Variants in ARFIP1 observed in about 807,000 individuals in gnomAD.
ARFIP1 encodes the protein ARF interacting protein 1, also known as arfaptin-1.
Under a neutral mutation model 42.5 loss-of-function variants are expected in ARFIP1, and 24 were observed. That is an observed-to-expected ratio of 0.57 (90% CI 0.41 to 0.80). The LOEUF (loss-of-function observed/expected upper bound fraction) is 0.80. ARFIP1 is among the 30% of genes least tolerant of loss of function. The pLI is 0.00. For missense variants in ARFIP1, 354 were observed against 434.0 expected (o/e 0.82, Z 1.64); for synonymous variants, 141 against 153.7 (o/e 0.92, Z 0.61).
At chr4:152,839,063 G>A (rs1020055301) in intron 2 of ARFIP1, among the ~76,000 whole-genome samples, 3 of 151,956 alleles carry the variant, frequency 2.0e-5, no homozygotes, top group Non-Finnish European at 2.9e-5. Flanking sequence ...TTTTAATTCC[G>A]TTTATGTGGT....
intron 3 of ARFIP1, among the ~76,000 whole-genome samples, chr4:152,866,527 C>T (rs1364924712): frequency 1.9e-5 from 2 of 103,952 alleles, no homozygotes; most frequent in African/African-American, 8.2e-5. Flanking sequence ...CCGGACGGGG[C>T]GGCTGGCCGC....
intron 8 of ARFIP1, among the ~76,000 whole-genome samples, chr4:152,901,087 ATAACT>A (rs1454954834): frequency 2.0e-5 from 3 of 152,264 alleles, no homozygotes; most frequent in African/African-American, 7.2e-5. Flanking sequence ...ATGAAGACTA[ATAACT>A]TATTTTAACC....
intron 3 of ARFIP1, among the ~76,000 whole-genome samples, chr4:152,864,011 G>C (rs1176944821): frequency 6.6e-6 from 1 of 152,062 alleles, no homozygotes; most frequent in Non-Finnish European, 1.5e-5. Flanking sequence ...ATTTTAACTT[G>C]TAACCATGAA....
chr4:152,804,619 A>T lies in ARFIP1; in HGVS notation c.-10+24393A>T, dbSNP rs534615714. ...GTTGCCAGGTTTGAATCCCCACGTC[A>T]TCACTTGCTAGCTGTGTATCATTAA... On this transcript the variant is annotated intron_variant, in intron 1 of 8. Transcript: ENST00000353617. 3.3e-5 allele frequency among the ~76,000 whole-genome samples: 5 copies of T among 149,344 alleles called. No homozygotes were observed. The South Asian group carries it at 1.1e-3, about 31-fold the overall frequency.
intron 7 of ARFIP1, among the ~76,000 whole-genome samples, chr4:152,886,727 G>A (rs1027645539): frequency 4.0e-5 from 6 of 151,852 alleles, no homozygotes; most frequent in African/African-American, 9.7e-5. Context: ...TCTAGAATGC[G>A]AGCTTCTTGA....
chr4:152,808,897 C>A (rs113784116), intron 1 of ARFIP1, among the ~76,000 whole-genome samples: 2 of 152,194 alleles, frequency 1.3e-5, no homozygotes, highest in African/African-American at 4.8e-5. Context: ...GGTGAAACCC[C>A]GTGGTGTTTC....
chr4:152,824,352 G>A (rs1730644753), intron 1 of ARFIP1, among the ~76,000 whole-genome samples: 1 of 151,732 alleles, frequency 6.6e-6, no homozygotes, highest in East Asian at 1.9e-4. Flanking sequence ...CCATGATCGA[G>A]TGAATTTCTT....
chr4:152,879,647 C>T (rs976087164), intron 5 of ARFIP1, among the ~76,000 whole-genome samples: 6 of 151,390 alleles, frequency 4.0e-5, no homozygotes, highest in South Asian at 2.1e-4. Flanking sequence ...GTCAGGAGTT[C>T]GAGACCAGCC....
intron 5 of ARFIP1, among the ~76,000 whole-genome samples, chr4:152,880,643 ATAT>A (rs1258979749): frequency 6.6e-6 from 1 of 152,240 alleles, no homozygotes; most frequent in African/African-American, 2.4e-5. Context: ...TTAACAGTCT[ATAT>A]TAGTCTTAAT....
intron 1 of ARFIP1, among the ~76,000 whole-genome samples, chr4:152,825,193 A>C (rs1009968609): frequency 3.3e-5 from 5 of 152,172 alleles, no homozygotes; most frequent in African/African-American, 1.2e-4. Context: ...TCACAGAATT[A>C]GAAAAAAAAA....
At chr4:152,908,830 TGG>T (rs144759842) in intron 8 of ARFIP1, among the ~76,000 whole-genome samples, 2,130 of 151,202 alleles carry the variant, frequency 0.014, 52 homozygotes, top group African/African-American at 0.049. Flanking sequence ...TCAGTCACAA[TGG>T]CAGAGGTGAC....
rs1738762598 is a variant in ARFIP1 at position 152,910,548 on chromosome 4, T to C, written c.*329T>C. ...GATAAAAATTCAAGGTTTTTGGTCCTGGAAATGAGGGCCGATTGTAACTTT... is the reference window on the plus strand; with the variant it reads ...GATAAAAATTCAAGGTTTTTGGTCCCGGAAATGAGGGCCGATTGTAACTTT... On this transcript the variant is annotated 3_prime_UTR_variant, in exon 9 of 9. Coordinates refer to ENST00000353617, the MANE Select transcript of ARFIP1 (RefSeq NM_001025595.3). 1 of 177,610 alleles carries C rather than the reference T, an allele frequency of 5.6e-6. No individual in the cohort carries two copies. Among genetic ancestry groups the C allele is most frequent in the South Asian group, 1.9e-4 (1 of 5,344 alleles). The allele number at this position is 177,610 out of a possible 1,614,324, so 11.0% of individuals were successfully genotyped here.
chr4:152,782,223 G>GGTGTGTGTGTGTGTGT (rs71598214), intron 1 of ARFIP1, among the ~76,000 whole-genome samples: 1 of 148,554 alleles, frequency 6.7e-6, no homozygotes, highest in African/African-American at 2.5e-5. Context: ...AACAGGTAGG[G>GGTGTGTGTGTGTGTGT]GTGTGTGTGT....
intron 8 of ARFIP1, among the ~76,000 whole-genome samples, chr4:152,889,398 G>A (rs1052410792): frequency 2.0e-5 from 3 of 149,258 alleles, no homozygotes; most frequent in Non-Finnish European, 4.4e-5. Flanking sequence ...GGAAACCTCA[G>A]CAGAGTTGTT....
chr4:152,830,062 A>C (rs1398567326), intron 2 of ARFIP1, among the ~76,000 whole-genome samples: 1 of 152,100 alleles, frequency 6.6e-6, no homozygotes. Flanking sequence ...TAACTTTTCT[A>C]TATATATGTC....
intron 2 of ARFIP1, among the ~76,000 whole-genome samples, chr4:152,855,125 C>G (rs1733317609): frequency 6.6e-6 from 1 of 152,174 alleles, no homozygotes; most frequent in Non-Finnish European, 1.5e-5. Context: ...TCTCCAGGTC[C>G]TCAGGGAGTG....
At chr4:152,783,085 G>T (rs1730598078) in intron 1 of ARFIP1, among the ~76,000 whole-genome samples, 1 of 152,130 alleles carries the variant, frequency 6.6e-6, no homozygotes, top group East Asian at 1.9e-4. Context: ...GGCTGTGGCG[G>T]GTGGATCACT....
intron 1 of ARFIP1, among the ~76,000 whole-genome samples, chr4:152,823,403 T>A (rs551502853): frequency 6.6e-6 from 1 of 151,718 alleles, no homozygotes; most frequent in African/African-American, 2.4e-5. Flanking sequence ...TTCAGTAATT[T>A]AAAAAAAATA....
At chr4:152,895,218 G>C (rs556678896) in intron 8 of ARFIP1, among the ~76,000 whole-genome samples, 1 of 152,338 alleles carries the variant, frequency 6.6e-6, no homozygotes, top group East Asian at 1.9e-4. Context: ...ATGGTAGGAA[G>C]TTGGATTACA....
Sources: allele counts gnomAD v4.1 joint callset (sites outside exome capture counted in the v4.1 genomes callset), GRCh38; gene constraint gnomAD v4.1.1; transcripts MANE v1.5; gene names NCBI Gene and HGNC (gene_info 2026-07-23, HGNC 2026-07-21).